The following MYOD1 variants were observed in gnomAD, a reference collection of about 807,000 sequenced individuals.
MYOD1 encodes the protein myogenic differentiation 1.
MYOD1 carries 15 observed loss-of-function variants against 14.9 expected under a neutral mutation model. The ratio of observed to expected loss-of-function variants is 1.01; its 90% CI spans 0.67 to 1.55. MYOD1 has a LOEUF of 1.55. Among genes scored for constraint, MYOD1 ranks in the 40% most tolerant of loss-of-function variants. The pLI is 0.00. For missense variants in MYOD1, 529 were observed against 482.6 expected (o/e 1.10, Z -0.90); for synonymous variants, 235 against 218.6 (o/e 1.07, Z -0.66).
chr11:17,719,696 C>T lies in MYOD1; in HGVS notation c.-87C>T, dbSNP rs532763329. 2.0e-6 allele frequency: 3 copies of T among 1,506,530 alleles called. No homozygotes were observed. Among genetic ancestry groups the T allele is most frequent in the East Asian group, 2.3e-5 (1 of 44,094 alleles). 93.3% of individuals were successfully genotyped at this position (1,506,530 alleles called of 1,614,324 possible). On this transcript the variant is annotated 5_prime_UTR_variant, in exon 1 of 3. Transcript: ENST00000250003. ...CTGCCAGCACTTTGCTATCTACAGCCGGGGCTCCCGAGCGGCAGAAAGTTC... is the reference window on the plus strand; with the variant it reads ...CTGCCAGCACTTTGCTATCTACAGCTGGGGCTCCCGAGCGGCAGAAAGTTC...
intron 1 of MYOD1, 36 bp downstream of exon 1, chr11:17,720,448 G>C (rs1160607266): frequency 6.6e-7 from 1 of 1,511,794 alleles, no homozygotes; most frequent in African/African-American, 1.5e-5. Context: ...GGAAGTTAGG[G>C]CGGCGCTCGG....
rs757423869 is a variant in MYOD1 at position 17,720,017 on chromosome 11, G to C, written c.235G>C (p.Glu79Gln). ...CCCGGCCCCGGGCGCACGTGAGGAC[G>C]AGCATGTGCGCGCGCCCAGCGGGCA... ...VHPAPGARED[E>Q]HVRAPSGHHQ... The change falls in exon 1 of 3, where the codon GAG becomes CAG. Residue 79 changes from glutamate (E) to glutamine (Q), a missense_variant. By Grantham distance (29) the Glu-to-Gln change is conservative. Coordinates refer to ENST00000250003, the MANE Select transcript of MYOD1 (RefSeq NM_002478.5). The C allele has an allele frequency of 3.1e-6, 5 of 1,593,512 alleles. No individual in the cohort carries two copies. The South Asian group carries it at 5.6e-5, about 18-fold the overall frequency.
Position 17,720,250 on chromosome 11 carries a change from T to C in MYOD1, c.468T>C (p.Tyr156=). 6.2e-7 allele frequency: 1 copy of C among 1,606,672 alleles called. No homozygotes were observed. Among genetic ancestry groups the C allele is most frequent in the Non-Finnish European group, 8.5e-7 (1 of 1,177,796 alleles). ...AGATCCTGCGCAACGCCATCCGCTATATCGAGGGCCTGCAGGCTCTGCTGC... is the reference window on the plus strand; with the variant it reads ...AGATCCTGCGCAACGCCATCCGCTACATCGAGGGCCTGCAGGCTCTGCTGC... ...KVEILRNAIR[Y]IEGLQALLRD... is the part of the protein sequence containing the mutation. Residue 156 remains tyrosine (Y), a synonymous_variant, in exon 1 of 3, where the codon TAT becomes TAC. Coordinates refer to ENST00000250003, the MANE Select transcript of MYOD1 (RefSeq NM_002478.5).
Position 17,721,533 on chromosome 11 carries a change from C to T in MYOD1, c.*25C>T, listed in dbSNP as rs1414655632. The T allele has an allele frequency of 1.3e-6, 2 of 1,496,280 alleles. No individual in the cohort carries two copies. The highest frequency in any genetic ancestry group is 1.4e-5 in the African/African-American group (1 of 70,814). The allele number at this position is 1,496,280 out of a possible 1,614,324, so 92.7% of individuals were successfully genotyped here. On this transcript the variant is annotated 3_prime_UTR_variant, in exon 3 of 3. Transcript: ENST00000250003. The surrounding 1 kb of genome is among the most constrained non-coding windows in gnomAD (Gnocchi z 6.2). ...AGGGGATGGTGGCCGCCCACCCGCC[C>T]GAGGGATGGTGCCCCTAGGGTCCCT...
rs770760107 is a variant in MYOD1, at chr11:17,720,989, T to A, written c.709+9T>A. The A allele has an allele frequency of 1.5e-5, 23 of 1,576,710 alleles. No individual in the cohort carries two copies. The South Asian group carries it at 2.7e-4, about 18-fold the overall frequency. ...CAACGAGGCGCCCAGCGGTGGGTAT[T>A]CCGGGCCTCTCCCTGCTCGCTCCTC... On this transcript the variant is annotated intron_variant, in intron 2 of 2. Coordinates refer to ENST00000250003, the MANE Select transcript of MYOD1 (RefSeq NM_002478.5).
rs771952757 is a variant in MYOD1, at chr11:17,721,343, G to C, written c.798G>C (p.Ala266=). 4 of 1,593,944 alleles carry C rather than the reference G, an allele frequency of 2.5e-6. No homozygotes were observed. The South Asian group carries it at 3.3e-5, about 13-fold the overall frequency. ...VERISTESPA[A]PALLLADVPS... Reference sequence around the variant, plus strand: ...GCATCTCCACCGAGAGCCCTGCGGCGCCCGCCCTCCTGCTGGCGGACGTGC... The same window carrying C: ...GCATCTCCACCGAGAGCCCTGCGGCCCCCGCCCTCCTGCTGGCGGACGTGC... The change falls in exon 3 of 3, where the codon GCG becomes GCC. Residue 266 remains alanine (A), a synonymous_variant. Transcript: ENST00000250003. This position sits in a 1 kb window ranked among gnomAD's most constrained non-coding sequence, Gnocchi z 6.2.
intron 1 of MYOD1, 108 bp downstream of exon 1, chr11:17,720,520 C>A: frequency 2.2e-6 from 3 of 1,372,006 alleles, no homozygotes; most frequent in South Asian, 3.2e-5. Flanking sequence ...GGGCCAGGAT[C>A]CTTCCCGAGA....
chr11:17,721,214 C>A lies in MYOD1; in HGVS notation c.710-41C>A. ...GGGCCCGGGGGTGGGAGGCTTGTCG[C>A]GGCCCCACCCCTGCTTACTAACCGA... On this transcript the variant is annotated intron_variant, in intron 2 of 2. Transcript: ENST00000250003. The surrounding 1 kb of genome is among the most constrained non-coding windows in gnomAD (Gnocchi z 6.2). 2 of 1,477,168 alleles carry A rather than the reference C, an allele frequency of 1.4e-6. No homozygotes were observed. The highest frequency in any genetic ancestry group is 2.4e-5 in the East Asian group (1 of 41,384). The allele number at this position is 1,477,168 out of a possible 1,614,324, so 91.5% of individuals were successfully genotyped here. A position where few individuals can be genotyped will look rare whatever the true frequency, so the allele number is the denominator to read the frequency against.
intron 1 of MYOD1, 55 bp from the exon 2 acceptor site, chr11:17,720,847 G>A: frequency 2.6e-6 from 4 of 1,565,640 alleles, no homozygotes; most frequent in Non-Finnish European, 3.5e-6. Flanking sequence ...AGGAATTGGT[G>A]TTCGGGCCTC....
Position 17,721,107 on chromosome 11 carries a change from T to C in MYOD1, c.709+127T>C. ...CTGGGAAGTGGTGCAGGAGATGAAATACTAAGCAAGTAGCTCCCTGTCTTT... is the reference window on the plus strand; with the variant it reads ...CTGGGAAGTGGTGCAGGAGATGAAACACTAAGCAAGTAGCTCCCTGTCTTT... On this transcript the variant is annotated intron_variant, in intron 2 of 2. Coordinates refer to ENST00000250003, the MANE Select transcript of MYOD1 (RefSeq NM_002478.5). The surrounding 1 kb of genome is among the most constrained non-coding windows in gnomAD (Gnocchi z 6.2). 1.4e-6 allele frequency: 2 copies of C among 1,416,328 alleles called. No individual in the cohort carries two copies. Among genetic ancestry groups the C allele is most frequent in the African/African-American group, 1.5e-5 (1 of 68,834 alleles). 87.7% of individuals were successfully genotyped at this position (1,416,328 alleles called of 1,614,324 possible). A position where few individuals can be genotyped will look rare whatever the true frequency, so the allele number is the denominator to read the frequency against.
chr11:17,721,220 C>T lies in MYOD1; in HGVS notation c.710-35C>T, dbSNP rs755105334. 1.3e-6 allele frequency: 2 copies of T among 1,491,738 alleles called. No individual in the cohort carries two copies. The highest frequency in any genetic ancestry group is 1.8e-6 in the Non-Finnish European group (2 of 1,122,720). The allele number at this position is 1,491,738 out of a possible 1,614,324, so 92.4% of individuals were successfully genotyped here. A position where few individuals can be genotyped will look rare whatever the true frequency, so the allele number is the denominator to read the frequency against. ...GGGGGTGGGAGGCTTGTCGCGGCCC[C>T]ACCCCTGCTTACTAACCGAGCCCTC... On this transcript the variant is annotated intron_variant, in intron 2 of 2. Transcript: ENST00000250003. The surrounding 1 kb of genome is among the most constrained non-coding windows in gnomAD (Gnocchi z 6.2).
In MYOD1 at chr11:17,720,984, G is replaced by T; in HGVS notation, c.709+4G>T. On this transcript the variant is annotated splice_donor_region_variant and intron_variant, in intron 2 of 2. Coordinates refer to ENST00000250003, the MANE Select transcript of MYOD1 (RefSeq NM_002478.5). ...TACTACAACGAGGCGCCCAGCGGTGGGTATTCCGGGCCTCTCCCTGCTCGC... is the reference window on the plus strand; with the variant it reads ...TACTACAACGAGGCGCCCAGCGGTGTGTATTCCGGGCCTCTCCCTGCTCGC... 6.3e-7 allele frequency: 1 copy of T among 1,584,776 alleles called. No homozygotes were observed. Among genetic ancestry groups the T allele is most frequent in the South Asian group, 1.1e-5 (1 of 87,372 alleles).
rs766154750 is a variant in MYOD1 at position 17,720,927 on chromosome 11, G to C, written c.656G>C (p.Gly219Ala). 117 of 1,611,458 alleles carry C rather than the reference G, an allele frequency of 7.3e-5. 1 individual carries two copies. Among genetic ancestry groups the C allele is most frequent in the South Asian group, 9.9e-5 (9 of 90,698 alleles). ...ATGGACTACAGCGGCCCCCCGAGCG[G>C]CGCCCGGCGGCGGAACTGCTACGAA... is the stretch of plus-strand genomic sequence containing the variant. Reference protein sequence around the residue: ...GMMDYSGPPSGARRRNCYEGA... With the variant: ...GMMDYSGPPSAARRRNCYEGA... The change falls in exon 2 of 3, where the codon GGC becomes GCC. Residue 219 changes from glycine (G) to alanine (A), a missense_variant. Coordinates refer to ENST00000250003, the MANE Select transcript of MYOD1 (RefSeq NM_002478.5).
In MYOD1 at chr11:17,720,853, G is replaced by A. The variant is rs896359172; in HGVS notation, c.631-49G>A. 7 of 1,578,938 alleles carry A rather than the reference G, an allele frequency of 4.4e-6. No homozygotes were observed. The African/African-American group carries it at 6.8e-5, about 15-fold the overall frequency. On this transcript the variant is annotated intron_variant, in intron 1 of 2. Transcript: ENST00000250003. ...GGCGGCTACAGGAATTGGTGTTCGGGCCTCGAGCCGTCCCGCGGGCCTGAC... is the reference window on the plus strand; with the variant it reads ...GGCGGCTACAGGAATTGGTGTTCGGACCTCGAGCCGTCCCGCGGGCCTGAC...
Position 17,722,001 on chromosome 11 carries a change from A to G in MYOD1, c.*493A>G. The G allele has an allele frequency of 4.6e-6, 1 of 215,956 alleles. No homozygotes were observed. Among genetic ancestry groups the G allele is most frequent in the Non-Finnish European group, 9.3e-6 (1 of 107,406 alleles). The allele number at this position is 215,956 out of a possible 1,614,324, so 13.4% of individuals were successfully genotyped here. On this transcript the variant is annotated 3_prime_UTR_variant, in exon 3 of 3. Transcript: ENST00000250003. ...TAAATAAGAGTTGCTTTGCCAGAGCAGGAGCCCCTGGGGCTGTATTTATCT... is the reference window on the plus strand; with the variant it reads ...TAAATAAGAGTTGCTTTGCCAGAGCGGGAGCCCCTGGGGCTGTATTTATCT...
chr11:17,720,314 T>A lies in MYOD1; in HGVS notation c.532T>A (p.Phe178Ile). Residue 178 changes from phenylalanine (F) to isoleucine (I), a missense_variant, in exon 1 of 3, where the codon TTC (phenylalanine) becomes ATC (isoleucine). Phe to Ile is a conservative substitution (Grantham distance 21). Coordinates refer to ENST00000250003, the MANE Select transcript of MYOD1 (RefSeq NM_002478.5). ...CGCGCCCCCTGGCGCCGCAGCCGCC[T>A]TCTATGCGCCGGGCCCGCTGCCCCC... ...DAAPPGAAAAFYAPGPLPPGR... is the reference protein window; with the variant it reads ...DAAPPGAAAAIYAPGPLPPGR... The A allele has an allele frequency of 2.5e-6, 4 of 1,585,498 alleles. No homozygotes were observed. The highest frequency in any genetic ancestry group is 3.4e-6 in the Non-Finnish European group (4 of 1,170,374).
Position 17,720,384 on chromosome 11 carries a change from G to C in MYOD1, c.602G>C (p.Ser201Thr). 1 of 1,564,296 alleles carries C rather than the reference G, an allele frequency of 6.4e-7. No individual in the cohort carries two copies. The highest frequency in any genetic ancestry group is 8.6e-7 in the Non-Finnish European group (1 of 1,164,676). Reference sequence around the variant, plus strand: ...TACAGCGGCGACTCCGACGCGTCCAGCCCGCGCTCCAACTGCTCCGACGGC... The same window carrying C: ...TACAGCGGCGACTCCGACGCGTCCACCCCGCGCTCCAACTGCTCCGACGGC... ...EHYSGDSDAS[S>T]PRSNCSDGMM... The change falls in exon 1 of 3, where the codon AGC becomes ACC. Residue 201 changes from serine (S) to threonine (T), a missense_variant. Transcript: ENST00000250003.
Position 17,721,315 on chromosome 11 carries a change from A to T in MYOD1, c.770A>T (p.Glu257Val). ...CTAGACTGCCTGTCCAGCATCGTGG[A>T]GCGCATCTCCACCGAGAGCCCTGCG... ...SSLDCLSSIV[E>V]RISTESPAAP... Residue 257 changes from glutamate to valine, a missense_variant, in exon 3 of 3, where the codon GAG (glutamate) becomes GTG (valine). Glu to Val is a moderately radical substitution (Grantham distance 121). Transcript: ENST00000250003. The surrounding 1 kb of genome is among the most constrained non-coding windows in gnomAD (Gnocchi z 6.2). 1 of 1,595,054 alleles carries T rather than the reference A, an allele frequency of 6.3e-7. No homozygotes were observed. The highest frequency in any genetic ancestry group is 8.5e-7 in the Non-Finnish European group (1 of 1,176,636).
Position 17,720,001 on chromosome 11 carries a change from G to T in MYOD1, c.219G>T (p.Pro73=), listed in dbSNP as rs373565128. The part of the protein sequence containing the change: ...SHFPAAVHPA[P]GAREDEHVRA... ...TCCCCGCGGCGGTGCACCCGGCCCC[G>T]GGCGCACGTGAGGACGAGCATGTGC... is the stretch of plus-strand genomic sequence containing the variant. Residue 73 remains proline (P), a synonymous_variant, in exon 1 of 3, where the codon CCG becomes CCT. Transcript: ENST00000250003. The T allele has an allele frequency of 6.2e-7, 1 of 1,604,446 alleles. No homozygotes were observed. The highest frequency in any genetic ancestry group is 1.3e-5 in the African/African-American group (1 of 74,658).
Sources: allele counts gnomAD v4.1 joint callset, GRCh38; gene constraint gnomAD v4.1.1; non-coding constraint Gnocchi (gnomAD v3.1); transcripts MANE v1.5; gene names NCBI Gene and HGNC (gene_info 2026-07-23, HGNC 2026-07-21).